LHFPL2: variants seen among roughly 807,000 people sequenced by gnomAD.
LHFPL2 encodes LHFPL tetraspan subfamily member 2 protein.
LHFPL2 carries 7 observed loss-of-function variants against 17.5 expected under a neutral mutation model. That is an observed-to-expected ratio of 0.40 (90% CI 0.23 to 0.75). LHFPL2 has a LOEUF of 0.75. Ranked by LOEUF, LHFPL2 falls within the 30% of genes least tolerant of loss-of-function variation. The pLI, the probability that LHFPL2 is intolerant of heterozygous loss-of-function variation, is 0.37. For missense variants in LHFPL2, 241 were observed against 294.8 expected (o/e 0.82, Z 1.34); for synonymous variants, 134 against 116.2 (o/e 1.15, Z -0.99).
chr5:78,588,672 G>A (rs1334636602), intron 2 of LHFPL2, among the ~76,000 whole-genome samples: 1 of 152,148 alleles, frequency 6.6e-6, no homozygotes, highest in Non-Finnish European at 1.5e-5. Context: ...TAAGAGCTCT[G>A]AGGCCAGCCA....
intron 2 of LHFPL2, among the ~76,000 whole-genome samples, chr5:78,571,309 A>G (rs1027174294): frequency 6.6e-6 from 1 of 151,812 alleles, no homozygotes; most frequent in Non-Finnish European, 1.5e-5. Flanking sequence ...CTCTGTAACT[A>G]TTTTGCCTCT....
At chr5:78,518,454 G>C (rs993426037) in intron 3 of LHFPL2, among the ~76,000 whole-genome samples, 6 of 152,224 alleles carry the variant, frequency 3.9e-5, no homozygotes, top group Non-Finnish European at 5.9e-5. Flanking sequence ...TTATTAACTA[G>C]AGGAAATCCC....
At chr5:78,552,172 T>G (rs1186595441) in intron 3 of LHFPL2, among the ~76,000 whole-genome samples, 1 of 151,198 alleles carries the variant, frequency 6.6e-6, no homozygotes, top group Middle Eastern at 3.2e-3. Context: ...CTCGCTCTGT[T>G]GCCCAGGCTG....
chr5:78,590,855 C>T (rs1438334449), intron 2 of LHFPL2, among the ~76,000 whole-genome samples: 1 of 152,134 alleles, frequency 6.6e-6, no homozygotes, highest in Non-Finnish European at 1.5e-5. Context: ...TTTTTTGTTA[C>T]CACTGGTTTA....
At chr5:78,581,950 T>A (rs1024594150) in intron 2 of LHFPL2, among the ~76,000 whole-genome samples, 1 of 152,232 alleles carries the variant, frequency 6.6e-6, no homozygotes, top group Admixed American at 6.5e-5. Context: ...AGCTATTGAT[T>A]ATTGCCACAA....
At chr5:78,600,542 A>G (rs1353901538) in intron 2 of LHFPL2, among the ~76,000 whole-genome samples, 1 of 152,112 alleles carries the variant, frequency 6.6e-6, no homozygotes, top group Non-Finnish European at 1.5e-5. Flanking sequence ...CAGCCTGACC[A>G]ACATGGAGAA....
intron 2 of LHFPL2, among the ~76,000 whole-genome samples, chr5:78,572,421 C>CAT (rs775947937): frequency 4.0e-4 from 60 of 149,022 alleles, no homozygotes; most frequent in South Asian, 6.4e-4. Flanking sequence ...ATTTTATATA[C>CAT]ATATATATAT....
intron 3 of LHFPL2, among the ~76,000 whole-genome samples, chr5:78,545,133 C>CA (rs1756231944): frequency 6.6e-6 from 1 of 152,136 alleles, no homozygotes; most frequent in African/African-American, 2.4e-5. Context: ...GCGGATCATA[C>CA]ACTTTCACAG....
At position 78,510,204 on chromosome 5, in the gene LHFPL2, C is replaced by T; in HGVS notation, c.10G>A (p.Val4Ile). Residue 4 changes from valine to isoleucine, a missense_variant, in exon 4 of 5, where the codon GTC becomes ATC. Transcript: ENST00000380345. MCHVIVTCRSMLWT... is the reference protein window; with the variant it reads MCHIIVTCRSMLWT... ...AGCATCGAGCGACAGGTGACAATGA[C>T]ATGACACATATTGATGTTCCGGGCG... 1 of 1,592,386 alleles carries T rather than the reference C, an allele frequency of 6.3e-7. No homozygotes were observed. The highest frequency in any genetic ancestry group is 8.6e-7 in the Non-Finnish European group (1 of 1,166,504).
intron 2 of LHFPL2, among the ~76,000 whole-genome samples, chr5:78,616,496 C>T (rs1035331005): frequency 6.6e-6 from 1 of 152,022 alleles, no homozygotes; most frequent in Non-Finnish European, 1.5e-5. Flanking sequence ...ATAAAAGTCA[C>T]GAAAGAGGTT....
At chr5:78,599,155 G>A (rs549047216) in intron 2 of LHFPL2, among the ~76,000 whole-genome samples, 5 of 152,130 alleles carry the variant, frequency 3.3e-5, no homozygotes, top group East Asian at 1.9e-4. Flanking sequence ...ATCACACTGC[G>A]TCATTCCCCT....
At chr5:78,569,699 C>T (rs1295676110) in intron 2 of LHFPL2, among the ~76,000 whole-genome samples, 3 of 152,148 alleles carry the variant, frequency 2.0e-5, no homozygotes, top group Admixed American at 6.5e-5. Context: ...CTGTGTTAAA[C>T]GCATGTGAGA....
intron 2 of LHFPL2, among the ~76,000 whole-genome samples, chr5:78,588,060 C>G (rs1352782666): frequency 3.3e-5 from 5 of 152,234 alleles, no homozygotes; most frequent in African/African-American, 1.2e-4. Context: ...TTTTCCAGTT[C>G]TTTCACTTGA....
chr5:78,527,984 T>C (rs557181630), intron 3 of LHFPL2, among the ~76,000 whole-genome samples: 46 of 152,354 alleles, frequency 3.0e-4, no homozygotes, highest in Non-Finnish European at 5.3e-4. Flanking sequence ...ATAACCCTCC[T>C]TGATTTTCTG....
intron 1 of LHFPL2, among the ~76,000 whole-genome samples, chr5:78,643,936 C>T (rs938147690): frequency 6.6e-6 from 1 of 152,096 alleles, no homozygotes; most frequent in South Asian, 2.1e-4. Context: ...GTGGCGTGCA[C>T]CTGTAGTCCC....
At chr5:78,636,128 G>A (rs574774640) in intron 1 of LHFPL2, among the ~76,000 whole-genome samples, 12 of 152,288 alleles carry the variant, frequency 7.9e-5, no homozygotes, top group African/African-American at 2.6e-4. Flanking sequence ...TGAGGCTGCC[G>A]TCTGTGGCCC....
intron 3 of LHFPL2, chr5:78,548,930 A>G (rs1756361989): frequency 6.6e-6 from 1 of 152,246 alleles, no homozygotes; most frequent in East Asian, 1.9e-4. Flanking sequence ...TCTGTCTTAT[A>G]TCAGCATTTC....
intron 2 of LHFPL2, among the ~76,000 whole-genome samples, chr5:78,614,384 G>T (rs1744525271): frequency 6.6e-6 from 1 of 152,162 alleles, no homozygotes; most frequent in East Asian, 1.9e-4. Context: ...AAGAAAGCTT[G>T]TTCTTTACCT....
chr5:78,555,873 G>C (rs1337742143), intron 3 of LHFPL2, among the ~76,000 whole-genome samples: 1 of 152,248 alleles, frequency 6.6e-6, no homozygotes, highest in African/African-American at 2.4e-5. Context: ...AGACTGAGAA[G>C]AAACATCAGG....
Sources: gnomAD v4.1 joint callset for allele counts (sites outside exome capture counted in the v4.1 genomes callset) on GRCh38, gnomAD v4.1.1 for gene constraint, MANE v1.5 for transcripts, NCBI Gene and HGNC (gene_info 2026-07-23, HGNC 2026-07-21) for gene names.